SMARCA2: variants seen among roughly 807,000 people sequenced by gnomAD.
The protein encoded by SMARCA2 is SWI/SNF-related matrix-associated actin-dependent regulator of chromatin subfamily A member 2.
In SMARCA2, 61 loss-of-function variants were observed where a neutral mutation model predicts 199.8. The observed-to-expected ratio is 0.31, with a 90% CI of 0.25 to 0.38. The LOEUF (loss-of-function observed/expected upper bound fraction) is 0.38. SMARCA2 is among the 10% of genes least tolerant of loss of function. The pLI, the probability that SMARCA2 is intolerant of heterozygous loss-of-function variation, is 1.00. For missense variants in SMARCA2, 1,344 were observed against 2,012.2 expected, an observed-to-expected ratio of 0.67 and a Z score of 6.35; for synonymous variants, 935 against 732.0, an observed-to-expected ratio of 1.28 and a Z score of -4.48.
At chr9:2,089,220 G>A (rs1363847200) in intron 19 of SMARCA2, among the ~76,000 whole-genome samples, 1 of 152,156 alleles carries the variant, frequency 6.6e-6, no homozygotes, top group Non-Finnish European at 1.5e-5. Context: ...TTAGTCTGCA[G>A]TACTTTAGAA....
At chr9:2,160,353 ATCTG>A (rs1484449278) in intron 27 of SMARCA2, 4 of 501,950 alleles carry the variant, frequency 8.0e-6, no homozygotes, top group South Asian at 3.2e-5. Flanking sequence ...TCCCTTAGGA[ATCTG>A]TCTGTGTGCA....
chr9:2,027,440 T>C (rs531077560), intron 1 of SMARCA2, among the ~76,000 whole-genome samples: 1 of 152,262 alleles, frequency 6.6e-6, no homozygotes, highest in East Asian at 1.9e-4. Context: ...GCCCTGTCTC[T>C]AAAAATATGA....
intron 9 of SMARCA2, among the ~76,000 whole-genome samples, chr9:2,062,961 G>A (rs868293800): frequency 1.3e-5 from 2 of 152,066 alleles, no homozygotes; most frequent in African/African-American, 2.4e-5. Flanking sequence ...CTTGGCAAAC[G>A]CGTAATAGTT....
rs1445439917 is a variant in SMARCA2, at chr9:2,192,831, G to GTTGT, written c.*95_*98dup. 1.3e-5 allele frequency: 12 copies of GTTGT among 900,652 alleles called. No individual in the cohort carries two copies. The South Asian group carries it at 1.5e-4, about 11-fold the overall frequency. The allele number at this position is 900,652 out of a possible 1,614,324, so 55.8% of individuals were successfully genotyped here. ...AGTTCATTTGTCATATAGGCACTGG[G>GTTGT]TTGTTTCTATATCATCATCGTCTAT... is the stretch of plus-strand genomic sequence containing the variant. On this transcript the variant is annotated 3_prime_UTR_variant, in exon 34 of 34. Coordinates refer to ENST00000349721, the MANE Select transcript of SMARCA2 (RefSeq NM_003070.5).
chr9:2,168,499 C>T (rs780722993), intron 28 of SMARCA2, among the ~76,000 whole-genome samples: 1 of 152,166 alleles, frequency 6.6e-6, no homozygotes, highest in Non-Finnish European at 1.5e-5. Context: ...AAGGGCAGGG[C>T]TCTTATTTCA....
At chr9:2,174,340 C>T (rs991986716) in intron 29 of SMARCA2, among the ~76,000 whole-genome samples, 11 of 152,106 alleles carry the variant, frequency 7.2e-5, no homozygotes, top group African/African-American at 1.7e-4. Flanking sequence ...TCTGAGAGAT[C>T]GCAGTTATTT....
intron 10 of SMARCA2, among the ~76,000 whole-genome samples, chr9:2,072,679 A>G (rs1002076030): frequency 1.3e-5 from 2 of 152,224 alleles, no homozygotes; most frequent in African/African-American, 4.8e-5. Flanking sequence ...GTTAGTTACA[A>G]ATGACCAAAA....
At chr9:2,139,713 C>A (rs1269410504) in intron 27 of SMARCA2, among the ~76,000 whole-genome samples, 2 of 152,132 alleles carry the variant, frequency 1.3e-5, no homozygotes, top group Non-Finnish European at 2.9e-5. Flanking sequence ...AAAGACATCT[C>A]AAGACACCAA....
At position 2,096,653 on chromosome 9, in the gene SMARCA2, G is replaced by A. The variant is rs371351154; in HGVS notation, c.2884-4G>A. Reference sequence around the variant, plus strand: ...TTGCCTACTTACTGTTCTCTTTTCTGCAGGTGGAATATGTGATCAAGTGTG... The same window carrying A: ...TTGCCTACTTACTGTTCTCTTTTCTACAGGTGGAATATGTGATCAAGTGTG... On this transcript the variant is annotated splice_polypyrimidine_tract_variant and splice_region_variant and intron_variant, in intron 19 of 33. Transcript: ENST00000349721. 4.7e-5 allele frequency: 75 copies of A among 1,604,116 alleles called. No individual in the cohort carries two copies. The highest frequency in any genetic ancestry group is 6.3e-5 in the Non-Finnish European group (74 of 1,171,050).
chr9:2,131,878 G>A (rs192852780), intron 27 of SMARCA2, among the ~76,000 whole-genome samples: 1 of 149,076 alleles, frequency 6.7e-6, no homozygotes, highest in African/African-American at 2.5e-5. Flanking sequence ...GGTGGAGCCC[G>A]CAGTGAGCCA....
Position 2,171,338 on chromosome 9 carries a change from T to C in SMARCA2, c.4253+866T>C, listed in dbSNP as rs139389686. Among the ~76,000 whole-genome samples the C allele has an allele frequency of 3.0e-3, 451 of 152,280 alleles. 2 individuals are homozygous for C. The highest frequency in any genetic ancestry group is 0.01 in the African/African-American group (430 of 41,562). On this transcript the variant is annotated intron_variant, in intron 29 of 33. Coordinates refer to ENST00000349721, the MANE Select transcript of SMARCA2 (RefSeq NM_003070.5). ...CTTTACAACATTTTTTCCACCAGCA[T>C]AGGATCCAATCTAGGACTGGAGAGA...
intron 1 of SMARCA2, among the ~76,000 whole-genome samples, chr9:2,019,770 G>A (rs1371109804): frequency 6.6e-6 from 1 of 151,146 alleles, no homozygotes; most frequent in Non-Finnish European, 1.5e-5. Context: ...ATAAAAAGAA[G>A]AGTTTTATAA....
intron 12 of SMARCA2, among the ~76,000 whole-genome samples, chr9:2,075,917 C>T (rs1468423169): frequency 6.6e-6 from 1 of 152,190 alleles, no homozygotes; most frequent in Non-Finnish European, 1.5e-5. Context: ...ATATGCTCTA[C>T]AGGACTCTGA....
chr9:2,101,614 TG>T lies in SMARCA2; in HGVS notation c.3125+1del. ...HLGYSNGVIN[G>X]AELYRASGKF... Reference sequence around the variant, plus strand: ...TAGGCTATTCAAATGGGGTCATCAATGGGTAAATCTCAAATTTTTTTTTCTT... The same window carrying T: ...TAGGCTATTCAAATGGGGTCATCAATGGTAAATCTCAAATTTTTTTTTCTT... On this transcript the variant is annotated frameshift_variant and splice_region_variant, in exon 22 of 34. Coordinates refer to ENST00000349721, the MANE Select transcript of SMARCA2 (RefSeq NM_003070.5). LOFTEE classifies it high-confidence loss of function. 1 of 1,534,614 alleles carries T rather than the reference TG, an allele frequency of 6.5e-7. No individual in the cohort carries two copies. Among genetic ancestry groups the T allele is most frequent in the Non-Finnish European group, 9.0e-7 (1 of 1,116,808 alleles).
intron 27 of SMARCA2, among the ~76,000 whole-genome samples, chr9:2,139,050 G>A (rs138287523): frequency 7.2e-4 from 110 of 152,284 alleles, no homozygotes; most frequent in African/African-American, 2.4e-3. Flanking sequence ...GAAGAGTTGA[G>A]ATGAGTCCTG....
intron 31 of SMARCA2, among the ~76,000 whole-genome samples, chr9:2,184,193 A>G (rs1827260421): frequency 1.3e-5 from 2 of 152,132 alleles, no homozygotes; most frequent in African/African-American, 4.8e-5. Context: ...CCCATAGTCC[A>G]TTCGGACTGA....
chr9:2,188,298 C>A (rs1390639785), intron 32 of SMARCA2, among the ~76,000 whole-genome samples: 1 of 151,966 alleles, frequency 6.6e-6, no homozygotes. Context: ...AGCATTTTAC[C>A]CATAGATTAT....
intron 27 of SMARCA2, among the ~76,000 whole-genome samples, chr9:2,151,644 A>T (rs975907762): frequency 1.3e-5 from 2 of 152,136 alleles, no homozygotes; most frequent in Admixed American, 6.5e-5. Flanking sequence ...GAGACATGAG[A>T]ATCTCTTGAA....
At chr9:2,171,513 C>T (rs921969084) in intron 29 of SMARCA2, among the ~76,000 whole-genome samples, 7 of 152,156 alleles carry the variant, frequency 4.6e-5, no homozygotes, top group African/African-American at 1.7e-4. Flanking sequence ...GCAAGATTGT[C>T]AATTTTTGAT....
Sources: gnomAD v4.1 joint callset for allele counts (sites outside exome capture counted in the v4.1 genomes callset) on GRCh38, gnomAD v4.1.1 for gene constraint, MANE v1.5 for transcripts, NCBI Gene and HGNC (gene_info 2026-07-23, HGNC 2026-07-21) for gene names.